BEST3: variants seen among roughly 807,000 people sequenced by gnomAD.
BEST3 encodes the protein bestrophin-3.
In BEST3, 50 loss-of-function variants were observed where a neutral mutation model predicts 47.1. The observed-to-expected ratio is 1.06, with a 90% CI of 0.85 to 1.34. BEST3 has a LOEUF of 1.34. BEST3 is among the 40% of genes most tolerant of loss of function. The pLI, the probability that BEST3 is intolerant of heterozygous loss-of-function variation, is 0.00. For missense variants in BEST3, 765 were observed against 817.0 expected, an observed-to-expected ratio of 0.94 and a Z score of 0.78; for synonymous variants, 282 against 298.8, an observed-to-expected ratio of 0.94 and a Z score of 0.58.
chr12:69,663,125 C>T (rs1393294318), intron 9 of BEST3, among the ~76,000 whole-genome samples: 1 of 152,156 alleles, frequency 6.6e-6, no homozygotes, highest in East Asian at 1.9e-4. Flanking sequence ...TGTTTCATTC[C>T]TCAGAGTCTT....
chr12:69,646,234 G>A (rs1163375858), intron 9 of BEST3, among the ~76,000 whole-genome samples: 3 of 152,112 alleles, frequency 2.0e-5, no homozygotes, highest in African/African-American at 7.2e-5. Flanking sequence ...CACCGTGCCT[G>A]GCCTTGAGAG....
chr12:69,678,163 A>C (rs78879958), intron 5 of BEST3, among the ~76,000 whole-genome samples: 12,379 of 152,210 alleles, frequency 0.081, 722 homozygotes, highest in East Asian at 0.24. Flanking sequence ...CGCTATTTTT[A>C]AACAATTCAC....
chr12:69,676,433 A>G (rs937209645), intron 7 of BEST3, among the ~76,000 whole-genome samples: 14 of 151,678 alleles, frequency 9.2e-5, no homozygotes, highest in Non-Finnish European at 1.6e-4. Context: ...AAAAAAAAAA[A>G]GAAAATGGGG....
In BEST3 at chr12:69,672,794, C is replaced by G. The variant is rs1884659134; in HGVS notation, c.948+91G>C. On this transcript the variant is annotated intron_variant, in intron 8 of 9. Coordinates refer to ENST00000330891, the MANE Select transcript of BEST3 (RefSeq NM_032735.3). The stretch of plus-strand genomic sequence containing the variant: ...TCATTTGTGGCTAAAGCTCTGAAGC[C>G]AAGGGGTGTGCATTTGAAATCTGCT... 9.9e-6 allele frequency: 9 copies of G among 913,522 alleles called. No individual in the cohort carries two copies. In the East Asian group the frequency reaches 2.1e-4, roughly 21 times the overall value. The allele number at this position is 913,522 out of a possible 1,614,324, so 56.6% of individuals were successfully genotyped here. A position where few individuals can be genotyped will look rare whatever the true frequency, so the allele number is the denominator to read the frequency against.
At chr12:69,680,691 TCTC>T (rs1885207991) in intron 4 of BEST3, among the ~76,000 whole-genome samples, 1 of 152,042 alleles carries the variant, frequency 6.6e-6, no homozygotes, top group Admixed American at 6.6e-5. Context: ...GTGGAGAAAG[TCTC>T]CTTTTCCCAG....
At chr12:69,652,365 C>T (rs554663312), downstream of BEST3, among the ~76,000 whole-genome samples, 2 of 152,272 alleles carry the variant, frequency 1.3e-5, no homozygotes, top group South Asian at 4.1e-4. Context: ...GCAATGAAAT[C>T]AGGTACATGA....
chr12:69,655,980 C>T (rs11177775), intron 9 of BEST3, among the ~76,000 whole-genome samples, 167 bp from the exon 10 acceptor site: 16,314 of 152,148 alleles, frequency 0.11, 1,158 homozygotes, highest in Middle Eastern at 0.16. Flanking sequence ...ACTTTTTGAT[C>T]TCAGATCCCT....
Position 69,686,786 on chromosome 12 carries a change from A to AAAAAAAAAG in BEST3, c.481+6887_481+6888insCTTTTTTTT, listed in dbSNP as rs371159662. 7.0e-3 allele frequency among the ~76,000 whole-genome samples: 1,009 copies of AAAAAAAAAG among 143,316 alleles called. 29 individuals carry two copies. The highest frequency in any genetic ancestry group is 0.025 in the African/African-American group (936 of 37,804). The allele number at this position is 143,316 out of a possible 152,430, so 94.0% of individuals were successfully genotyped here. On this transcript the variant is annotated intron_variant, in intron 4 of 9. Coordinates refer to ENST00000330891, the MANE Select transcript of BEST3 (RefSeq NM_032735.3). ...GATTCTGCCTCAAAAAAACAAAAAA[A>AAAAAAAAAG]AAAGAAAGAAAAGAAAAAAAGAAAG...
chr12:69,654,948 T>C lies in BEST3; in HGVS notation c.1966A>G (p.Ile656Val). ...TCAGTTTCCTTGTTCAGCTCTATGA[T>C]ATCTGTTTCCTTGGTGTCCAGGTTT... is the stretch of plus-strand genomic sequence containing the variant. ...MENLDTKETD[I>V]IELNKETEES... is the part of the protein sequence containing the mutation. Residue 656 changes from isoleucine to valine, a missense_variant, in exon 10 of 10, where the codon ATC becomes GTC. Transcript: ENST00000330891. 6.2e-7 allele frequency: 1 copy of C among 1,614,082 alleles called. No individual in the cohort carries two copies. The highest frequency in any genetic ancestry group is 8.5e-7 in the Non-Finnish European group (1 of 1,179,962).
intron 9 of BEST3, among the ~76,000 whole-genome samples, chr12:69,656,076 T>C (rs1186123233): frequency 6.6e-6 from 1 of 152,210 alleles, no homozygotes; most frequent in African/African-American, 2.4e-5. Flanking sequence ...TTTAAAATTA[T>C]AACTGTGGAA....
rs764850494 is a variant in BEST3, at chr12:69,655,173, C to T, written c.1741G>A (p.Asp581Asn). ...AEENIFNCEE[D>N]PGDTFLKRWS... Reference sequence around the variant, plus strand: ...CTTTTTAGAAAGGTATCACCAGGGTCTTCTTCACAGTTGAATATATTTTCC... The same window carrying T: ...CTTTTTAGAAAGGTATCACCAGGGTTTTCTTCACAGTTGAATATATTTTCC... Residue 581 changes from aspartate (D) to asparagine (N), a missense_variant, in exon 10 of 10, where the codon GAC becomes AAC. Coordinates refer to ENST00000330891, the MANE Select transcript of BEST3 (RefSeq NM_032735.3). 6.2e-7 allele frequency: 1 copy of T among 1,614,178 alleles called. No homozygotes were observed. The highest frequency in any genetic ancestry group is 8.5e-7 in the Non-Finnish European group (1 of 1,180,028).
Position 69,653,778 on chromosome 12 carries a change from C to T in BEST3, c.*1129G>A. On this transcript the variant is annotated 3_prime_UTR_variant, in exon 10 of 10. Coordinates refer to ENST00000330891, the MANE Select transcript of BEST3 (RefSeq NM_032735.3). ...GTACCAACATCCGATCCCCATTATGCAGCTCTGGACCCCATTAGCCTCCCA... is the reference window on the plus strand; with the variant it reads ...GTACCAACATCCGATCCCCATTATGTAGCTCTGGACCCCATTAGCCTCCCA... 1.0e-6 allele frequency: 1 copy of T among 985,424 alleles called. No individual in the cohort carries two copies. The highest frequency in any genetic ancestry group is 1.2e-6 in the Non-Finnish European group (1 of 829,954). The allele number at this position is 985,424 out of a possible 1,614,324, so 61.0% of individuals were successfully genotyped here. A position where few individuals can be genotyped will look rare whatever the true frequency, so the allele number is the denominator to read the frequency against.
chr12:69,663,952 AAAAGAAT>A (rs1884025492), intron 9 of BEST3, among the ~76,000 whole-genome samples: 1 of 152,252 alleles, frequency 6.6e-6, no homozygotes, highest in Non-Finnish European at 1.5e-5. Context: ...AGATAATGGT[AAAAGAAT>A]TCACACAAGA....
At chr12:69,690,495 C>G (rs1306952194) in intron 4 of BEST3, among the ~76,000 whole-genome samples, 1 of 152,186 alleles carries the variant, frequency 6.6e-6, no homozygotes, top group African/African-American at 2.4e-5. Context: ...CATGTCTGAC[C>G]AGAGGCCCCA....
Position 69,662,646 on chromosome 12 carries a change from C to T in BEST3, c.1101-6833G>A, listed in dbSNP as rs1370066567. Among the ~76,000 whole-genome samples, 8 of 152,142 alleles carry T rather than the reference C, an allele frequency of 5.3e-5. No individual in the cohort carries two copies. In the East Asian group the frequency reaches 5.8e-4, roughly 11 times the overall value. On this transcript the variant is annotated intron_variant, in intron 9 of 9. Transcript: ENST00000330891. Reference sequence around the variant, plus strand: ...TGACAAAGTTTCATAGTACCAAATACGTCTTAAATAAATTCCTCAACCCCT... The same window carrying T: ...TGACAAAGTTTCATAGTACCAAATATGTCTTAAATAAATTCCTCAACCCCT...
chr12:69,670,362 A>C (rs1448887773), intron 9 of BEST3: 12 of 678,354 alleles, frequency 1.8e-5, no homozygotes, highest in Non-Finnish European at 3.2e-5. Flanking sequence ...AACCTTCTCT[A>C]AGATGTGCTT....
intron 7 of BEST3, among the ~76,000 whole-genome samples, chr12:69,675,637 T>C (rs1241977234): frequency 6.6e-6 from 1 of 152,192 alleles, no homozygotes; most frequent in African/African-American, 2.4e-5. Flanking sequence ...AAAGTCTACT[T>C]TTTCCTCTAA....
intron 9 of BEST3, among the ~76,000 whole-genome samples, chr12:69,671,138 G>A (rs1409728644): frequency 6.6e-6 from 1 of 152,082 alleles, no homozygotes; most frequent in Non-Finnish European, 1.5e-5. Context: ...CTAGATATTG[G>A]AGATATTTAT....
In BEST3 at chr12:69,655,809, A is replaced by C. The variant is rs770850354; in HGVS notation, c.1105T>G (p.Ser369Ala). 1.2e-6 allele frequency: 2 copies of C among 1,601,690 alleles called. No homozygotes were observed. The highest frequency in any genetic ancestry group is 8.5e-7 in the Non-Finnish European group (1 of 1,171,934). Reference sequence around the variant, plus strand: ...TCCTCGTCAGGAAAGTCGGACCCAGACAGCCTGAAACACACAATGACAAGA... The same window carrying C: ...TCCTCGTCAGGAAAGTCGGACCCAGCCAGCCTGAAACACACAATGACAAGA... Reference protein sequence around the residue: ...FLGSTVQMGLSGSDFPDEEWL... With the variant: ...FLGSTVQMGLAGSDFPDEEWL... The change falls in exon 10 of 10, where the codon TCT becomes GCT. Residue 369 changes from serine (S) to alanine (A), a missense_variant. Physicochemically the swap from Ser to Ala is moderately conservative, Grantham distance 99 (BLOSUM62 1). Transcript: ENST00000330891.
Sources: gnomAD v4.1 joint callset for allele counts (sites outside exome capture counted in the v4.1 genomes callset) on GRCh38, gnomAD v4.1.1 for gene constraint, MANE v1.5 for transcripts, NCBI Gene and HGNC (gene_info 2026-07-23, HGNC 2026-07-21) for gene names.